The following TBC1D1 variants were observed in gnomAD, a reference collection of about 807,000 sequenced individuals.
TBC1D1 encodes TBC1 (tre-2/USP6, BUB2, cdc16) domain family, member 1.
Under a neutral mutation model 125.6 loss-of-function variants are expected in TBC1D1, and 89 were observed. The observed-to-expected ratio is 0.71, with a 90% confidence interval of 0.60 to 0.85. The LOEUF is 0.85. TBC1D1 is among the 40% of genes least tolerant of loss of function. The pLI is 0.00. For missense variants in TBC1D1, 1,377 were observed against 1,469.2 expected (o/e 0.94, Z 1.03); for synonymous variants, 565 against 564.1 (o/e 1.00, Z -0.02).
intron 2 of TBC1D1, among the ~76,000 whole-genome samples, chr4:37,999,417 A>G (rs1738537281): frequency 6.6e-6 from 1 of 152,234 alleles, no homozygotes; most frequent in Non-Finnish European, 1.5e-5. Flanking sequence ...ACACTTTTAG[A>G]GAAACAGAAA....
intron 13 of TBC1D1, among the ~76,000 whole-genome samples, chr4:38,094,469 A>T (rs866395706): frequency 3.3e-5 from 5 of 152,138 alleles, no homozygotes; most frequent in Admixed American, 6.5e-5. Context: ...TGGTTCCTGT[A>T]TCTGAAGTTC....
In TBC1D1 at chr4:38,027,769, C is replaced by G; in HGVS notation, c.1211-19C>G. On this transcript the variant is annotated intron_variant, in intron 6 of 19. Transcript: ENST00000261439. ...TTTTATATAGAATTTTTTCATGCCT[C>G]TCTTTTTTCTCTTAATAGGAATGAA... The G allele has an allele frequency of 6.3e-7, 1 of 1,583,920 alleles. No homozygotes were observed. The highest frequency in any genetic ancestry group is 8.6e-7 in the Non-Finnish European group (1 of 1,159,102).
chr4:37,893,663 T>C (rs1005428489), intron 1 of TBC1D1, among the ~76,000 whole-genome samples: 1 of 151,840 alleles, frequency 6.6e-6, no homozygotes, highest in Non-Finnish European at 1.5e-5. Context: ...TACAAAAATA[T>C]AGATCTACAA....
intron 17 of TBC1D1, 25 bp downstream of exon 19, chr4:38,118,217 C>T (rs201475307): frequency 3.2e-5 from 51 of 1,612,362 alleles, no homozygotes; most frequent in Non-Finnish European, 4.3e-5. Flanking sequence ...ATCTGTTTGC[C>T]AGAACCAGCC....
At chr4:38,128,649 C>A (rs1279816987) in intron 18 of TBC1D1, among the ~76,000 whole-genome samples, 1 of 152,098 alleles carries the variant, frequency 6.6e-6, no homozygotes, top group African/African-American at 2.4e-5. Flanking sequence ...GAAGAGGTGG[C>A]CAAGGACAGG....
chr4:37,966,039 C>T (rs1458040853), intron 2 of TBC1D1, among the ~76,000 whole-genome samples: 1 of 152,030 alleles, frequency 6.6e-6, no homozygotes, highest in Non-Finnish European at 1.5e-5. Flanking sequence ...GAGCCATCGC[C>T]CCTGGCCATG....
At chr4:37,983,971 ATAGT>A (rs1734915263) in intron 2 of TBC1D1, among the ~76,000 whole-genome samples, 1 of 152,212 alleles carries the variant, frequency 6.6e-6, no homozygotes, top group African/African-American at 2.4e-5. Flanking sequence ...GCATGTATAT[ATAGT>A]TCTGCCTATA....
intron 1 of TBC1D1, among the ~76,000 whole-genome samples, chr4:37,892,138 A>T (rs1042439588): frequency 6.6e-6 from 1 of 152,182 alleles, no homozygotes; most frequent in African/African-American, 2.4e-5. Context: ...TGTTTCCCTT[A>T]TGATGGGATG....
intron 13 of TBC1D1, 90 bp downstream of exon 15, chr4:38,090,207 T>C: frequency 7.9e-7 from 1 of 1,264,198 alleles, no homozygotes; most frequent in Non-Finnish European, 1.1e-6. Flanking sequence ...GTCTTAAAAA[T>C]ACAGCAGCAC....
At chr4:37,948,756 A>G (rs550118886) in intron 2 of TBC1D1, among the ~76,000 whole-genome samples, 2 of 152,248 alleles carry the variant, frequency 1.3e-5, no homozygotes, top group South Asian at 2.1e-4. Flanking sequence ...ACCTGTACGT[A>G]TCAGCTGTCA....
chr4:38,017,060 G>GA (rs1485747843), intron 3 of TBC1D1, among the ~76,000 whole-genome samples: 2 of 152,004 alleles, frequency 1.3e-5, no homozygotes, highest in African/African-American at 4.8e-5. Context: ...GGATGCCATG[G>GA]GGAAGGAGAG....
Position 38,130,120 on chromosome 4 carries a change from T to A in TBC1D1, c.3133-2964T>A, listed in dbSNP as rs35770203. Among the ~76,000 whole-genome samples, 3 of 152,114 alleles carry A rather than the reference T, an allele frequency of 2.0e-5. No individual in the cohort carries two copies. In the South Asian group the frequency reaches 6.2e-4, roughly 32 times the overall value. On this transcript the variant is annotated intron_variant, in intron 18 of 19. Coordinates refer to ENST00000261439, the MANE Select transcript of TBC1D1 (RefSeq NM_015173.4). ...AAACTTGGAACTAGATGTCTAACAC[T>A]TGATGACTGGATTAATATGATGATG...
At chr4:38,075,522 G>T (rs191717187) in intron 12 of TBC1D1, among the ~76,000 whole-genome samples, 1 of 152,286 alleles carries the variant, frequency 6.6e-6, no homozygotes, top group East Asian at 1.9e-4. Context: ...AGAAGAATTG[G>T]TTCACTATTT....
intron 12 of TBC1D1, among the ~76,000 whole-genome samples, chr4:38,076,700 G>A (rs181759359): frequency 6.6e-6 from 1 of 152,134 alleles, no homozygotes; most frequent in African/African-American, 2.4e-5. Flanking sequence ...AGGGAGGTAG[G>A]ATTATAGGTA....
intron 1 of TBC1D1, among the ~76,000 whole-genome samples, chr4:37,901,692 G>A (rs367868909): frequency 7.3e-4 from 55 of 74,948 alleles, no homozygotes; most frequent in South Asian, 2.0e-3. Context: ...TAAAACTGAG[G>A]TTTAATGCTG....
At chr4:38,020,200 G>A (rs1014697885) in intron 4 of TBC1D1, among the ~76,000 whole-genome samples, 3 of 152,124 alleles carry the variant, frequency 2.0e-5, no homozygotes, top group Non-Finnish European at 4.4e-5. Flanking sequence ...AAATTGTGCT[G>A]TGTAGGCCAG....
At chr4:38,022,690 C>T (rs918872471) in intron 6 of TBC1D1, among the ~76,000 whole-genome samples, 1 of 152,130 alleles carries the variant, frequency 6.6e-6, no homozygotes, top group African/African-American at 2.4e-5. Flanking sequence ...GTTTCTGTCT[C>T]TGTGACTGCA....
At chr4:38,084,651 C>T (rs573947341) in intron 12 of TBC1D1, among the ~76,000 whole-genome samples, 10 of 152,074 alleles carry the variant, frequency 6.6e-5, no homozygotes, top group Middle Eastern at 3.4e-3. Context: ...ATTTAATGTT[C>T]AATTTTCTCC....
intron 15 of TBC1D1, among the ~76,000 whole-genome samples, chr4:38,103,841 G>A (rs903200626): frequency 4.6e-5 from 7 of 152,116 alleles, no homozygotes; most frequent in Admixed American, 1.3e-4. Flanking sequence ...GGTGTTATAG[G>A]TAATCTAGAG....
Sources: allele counts gnomAD v4.1 joint callset (sites outside exome capture counted in the v4.1 genomes callset), GRCh38; gene constraint gnomAD v4.1.1; transcripts MANE v1.5; gene names NCBI Gene and HGNC (gene_info 2026-07-23, HGNC 2026-07-21).